CTNNA2: variants seen among roughly 807,000 people sequenced by gnomAD.
CTNNA2 encodes the protein catenin alpha 2.
Under a neutral mutation model 101.0 loss-of-function variants are expected in CTNNA2, and 42 were observed. The observed-to-expected ratio is 0.42, with a 90% CI of 0.32 to 0.54. The LOEUF is 0.54. Among genes scored for constraint, CTNNA2 ranks in the 20% least tolerant of loss-of-function variants. CTNNA2 has a pLI of 0.14. For synonymous variants in CTNNA2, 450 were observed against 456.4 expected (o/e 0.99, Z 0.18); for missense variants, 871 against 1,223.1 (o/e 0.71, Z 4.29).
intron 3 of CTNNA2, among the ~76,000 whole-genome samples, chr2:79,314,138 A>T (rs1435046246): frequency 3.3e-5 from 5 of 151,822 alleles, no homozygotes; most frequent in Non-Finnish European, 1.5e-5. Flanking sequence ...AGACTCAGCC[A>T]CTCCTGTCTC....
intron 7 of CTNNA2, among the ~76,000 whole-genome samples, chr2:80,212,059 A>G (rs1707927350): frequency 6.6e-6 from 1 of 152,124 alleles, no homozygotes; most frequent in East Asian, 1.9e-4. Flanking sequence ...ATTTTTGCAC[A>G]TTTATTTTGT....
At chr2:79,836,796 A>G (rs1409642810) in intron 3 of CTNNA2, among the ~76,000 whole-genome samples, 2 of 151,882 alleles carry the variant, frequency 1.3e-5, no homozygotes, top group Non-Finnish European at 2.9e-5. Flanking sequence ...TACTGTTAGA[A>G]TCTCACTCTG....
At chr2:80,617,459 TAATA>T in intron 17 of CTNNA2, among the ~76,000 whole-genome samples, 1 of 151,896 alleles carries the variant, frequency 6.6e-6, no homozygotes, top group South Asian at 2.1e-4. Flanking sequence ...AAAATAAAAA[TAATA>T]AATGATACAG....
At chr2:80,308,271 C>A (rs936166284) in intron 7 of CTNNA2, among the ~76,000 whole-genome samples, 2 of 152,154 alleles carry the variant, frequency 1.3e-5, no homozygotes, top group African/African-American at 4.8e-5. Context: ...TGAAATGAAT[C>A]TGCATTCTGG....
In CTNNA2 at chr2:79,660,155, TAGTA is replaced by T. The variant is rs546263136; in HGVS notation, c.102+8498_102+8501del. Reference sequence around the variant, plus strand: ...AGCATGTGCAATATACACACACAAGTAGTATGTATGTATGCAAATAGCATGTTTA... The same window carrying T: ...AGCATGTGCAATATACACACACAAGTTGTATGTATGCAAATAGCATGTTTA... On this transcript the variant is annotated intron_variant, in intron 2 of 18. Coordinates refer to ENST00000402739, the MANE Select transcript of CTNNA2 (RefSeq NM_001282597.3). Among the ~76,000 whole-genome samples, 298 of 151,388 alleles carry T rather than the reference TAGTA, an allele frequency of 2.0e-3. 1 individual carries two copies. Among genetic ancestry groups the T allele is most frequent in the African/African-American group, 6.9e-3 (286 of 41,364 alleles).
intron 12 of CTNNA2, among the ~76,000 whole-genome samples, chr2:80,559,882 A>ATATATATATT (rs1693400996): frequency 7.1e-6 from 1 of 139,876 alleles, no homozygotes; most frequent in Non-Finnish European, 1.5e-5. Flanking sequence ...TCATATTTAT[A>ATATATATATT]TATATATATA....
At chr2:79,981,279 A>G (rs1352024450) in intron 7 of CTNNA2, among the ~76,000 whole-genome samples, 1 of 152,188 alleles carries the variant, frequency 6.6e-6, no homozygotes, top group Non-Finnish European at 1.5e-5. Context: ...GAGATAAAAT[A>G]AAATGTCCAT....
At chr2:79,622,200 T>A (rs1558778539) in intron 1 of CTNNA2, among the ~76,000 whole-genome samples, 1 of 152,232 alleles carries the variant, frequency 6.6e-6, no homozygotes, top group African/African-American at 2.4e-5. Context: ...ATTTGAAGAC[T>A]GGCTGTACCT....
At chr2:80,647,538 T>TG in intron 18 of CTNNA2, 47 bp from the exon 19 acceptor site, 1 of 1,449,626 alleles carries the variant, frequency 6.9e-7, no homozygotes, top group Non-Finnish European at 9.3e-7. Context: ...TTTGTGAATT[T>TG]GGGGCCTCCA....
intron 7 of CTNNA2, among the ~76,000 whole-genome samples, chr2:80,284,404 C>A (rs755026108): frequency 6.6e-6 from 1 of 152,088 alleles, no homozygotes; most frequent in South Asian, 2.1e-4. Flanking sequence ...AGCAGTTCTT[C>A]CAACCTTTCC....
intron 6 of CTNNA2, among the ~76,000 whole-genome samples, chr2:79,886,126 T>A (rs1683841595): frequency 6.6e-6 from 1 of 152,214 alleles, no homozygotes; most frequent in Non-Finnish European, 1.5e-5. Flanking sequence ...AGTATCCACT[T>A]AACCTATTAT....
At chr2:80,271,726 C>T (rs1041338920) in intron 7 of CTNNA2, among the ~76,000 whole-genome samples, 1 of 152,174 alleles carries the variant, frequency 6.6e-6, no homozygotes, top group Non-Finnish European at 1.5e-5. Flanking sequence ...CCAGCCTATC[C>T]TCAGTCTTAC....
Position 79,451,967 on chromosome 2 carries a change from A to G in CTNNA2, c.-134-53087A>G, listed in dbSNP as rs981143464. The stretch of plus-strand genomic sequence containing the variant: ...AGATGGCTTCACAAGTAAAACCTCA[A>G]ACTTTGGAATGATTATTTCCTTTAC... On this transcript the variant is annotated intron_variant, in intron 4 of 21. Transcript: ENST00000466387. Among the ~76,000 whole-genome samples, 10 of 152,076 alleles carry G rather than the reference A, an allele frequency of 6.6e-5. No individual in the cohort carries two copies. In the East Asian group the frequency reaches 1.9e-3, roughly 29 times the overall value.
intron 4 of CTNNA2, among the ~76,000 whole-genome samples, chr2:79,468,459 A>G (rs1171245196): frequency 6.6e-6 from 1 of 152,198 alleles, no homozygotes; most frequent in Non-Finnish European, 1.5e-5. Flanking sequence ...TGTCAACATT[A>G]GACAGATCAA....
intron 8 of CTNNA2, among the ~76,000 whole-genome samples, chr2:80,406,328 CCTT>C (rs1156651753): frequency 2.1e-5 from 3 of 145,956 alleles, no homozygotes; most frequent in East Asian, 2.0e-4. Flanking sequence ...GAGCAAAACT[CCTT>C]CTCGAAAAAA....
At chr2:80,459,537 G>T (rs1684254906) in intron 9 of CTNNA2, among the ~76,000 whole-genome samples, 3 of 152,152 alleles carry the variant, frequency 2.0e-5, no homozygotes, top group Admixed American at 1.3e-4. Context: ...GGCCCAGGCA[G>T]AAGCCAGGGA....
chr2:80,062,488 CTAT>C (rs1182595014), intron 7 of CTNNA2, among the ~76,000 whole-genome samples: 1 of 152,118 alleles, frequency 6.6e-6, no homozygotes, highest in African/African-American at 2.4e-5. Context: ...TTAACAGGTT[CTAT>C]TGAGCTGACA....
chr2:80,538,142 A>G (rs1270393333), intron 9 of CTNNA2, among the ~76,000 whole-genome samples: 1 of 133,778 alleles, frequency 7.5e-6, no homozygotes, highest in African/African-American at 2.9e-5. Flanking sequence ...AGATGGGTAG[A>G]TTGCAAAAAT....
At chr2:79,256,948 C>T (rs571019586) in intron 2 of CTNNA2, among the ~76,000 whole-genome samples, 13 of 152,272 alleles carry the variant, frequency 8.5e-5, no homozygotes, top group African/African-American at 3.1e-4. Context: ...TGTAATACAT[C>T]ATTCATATGA....
Sources: gnomAD v4.1 joint callset for allele counts (sites outside exome capture counted in the v4.1 genomes callset) on GRCh38, gnomAD v4.1.1 for gene constraint, MANE v1.5 for transcripts, NCBI Gene and HGNC (gene_info 2026-07-23, HGNC 2026-07-21) for gene names.